TMEM117: variants seen among roughly 807,000 people sequenced by gnomAD.
TMEM117 encodes transmembrane protein 117.
Under a neutral mutation model 52.4 loss-of-function variants are expected in TMEM117, and 27 were observed. The observed-to-expected ratio is 0.51, with a 90% CI of 0.38 to 0.71. The LOEUF is 0.71. Ranked by LOEUF, TMEM117 falls within the 30% of genes least tolerant of loss-of-function variation. The pLI is 0.00. For missense variants in TMEM117, 556 were observed against 630.5 expected (o/e 0.88, Z 1.26); for synonymous variants, 215 against 206.3 (o/e 1.04, Z -0.36).
chr12:44,275,092 C>T (rs1330054960), intron 5 of TMEM117, among the ~76,000 whole-genome samples: 2 of 151,992 alleles, frequency 1.3e-5, no homozygotes, highest in African/African-American at 4.8e-5. Context: ...GTTCAAACCA[C>T]TCTATAGAAA....
At chr12:44,306,019 A>G (rs1950898785) in intron 6 of TMEM117, among the ~76,000 whole-genome samples, 1 of 152,222 alleles carries the variant, frequency 6.6e-6, no homozygotes, top group Admixed American at 6.5e-5. Context: ...GAATTAACAG[A>G]GGGACAGAAA....
intron 5 of TMEM117, among the ~76,000 whole-genome samples, chr12:44,254,727 A>T (rs1950237811): frequency 6.6e-6 from 1 of 152,022 alleles, no homozygotes; most frequent in South Asian, 2.1e-4. Context: ...TTACATATGT[A>T]TACATGTGCC....
At chr12:43,857,894 G>T (rs2137389812) in intron 2 of TMEM117, among the ~76,000 whole-genome samples, 1 of 152,288 alleles carries the variant, frequency 6.6e-6, no homozygotes, top group South Asian at 2.1e-4. Context: ...ATAAATAAGT[G>T]GTGGTAGGTG....
chr12:43,937,966 AG>A (rs1270201519), intron 2 of TMEM117, among the ~76,000 whole-genome samples: 2 of 152,126 alleles, frequency 1.3e-5, no homozygotes, highest in Non-Finnish European at 2.9e-5. Context: ...AAGGCCAAGT[AG>A]ATTAGCCAGA....
At chr12:44,014,809 G>A (rs1219579280) in intron 3 of TMEM117, among the ~76,000 whole-genome samples, 1 of 151,854 alleles carries the variant, frequency 6.6e-6, no homozygotes, top group Non-Finnish European at 1.5e-5. Context: ...TCCTTACTCT[G>A]ATCTTTCCTT....
chr12:44,333,962 T>A (rs1234047742), intron 6 of TMEM117, among the ~76,000 whole-genome samples: 1 of 152,052 alleles, frequency 6.6e-6, no homozygotes, highest in Non-Finnish European at 1.5e-5. Flanking sequence ...TCTGCTGTTA[T>A]CCTGAGGGAC....
At chr12:43,969,875 C>T (rs1440113553) in intron 3 of TMEM117, among the ~76,000 whole-genome samples, 2 of 152,172 alleles carry the variant, frequency 1.3e-5, no homozygotes, top group Admixed American at 6.5e-5. Flanking sequence ...GTTCCTAACA[C>T]CATTCACTCT....
At chr12:43,892,860 G>T (rs1944132702) in intron 2 of TMEM117, among the ~76,000 whole-genome samples, 1 of 152,228 alleles carries the variant, frequency 6.6e-6, no homozygotes, top group Non-Finnish European at 1.5e-5. Context: ...AGTTTAAGGG[G>T]AAAAGAACAA....
chr12:44,397,821 G>A, the TMEM117 span, among the ~76,000 whole-genome samples: 10 of 152,156 alleles, frequency 6.6e-5, no homozygotes, highest in African/African-American at 1.7e-4. Flanking sequence ...AATCAATTGT[G>A]TGAGGTCTAA....
chr12:44,388,083 G>A lies in TMEM117; in HGVS notation c.956G>A (p.Trp319Ter). The change falls in exon 8 of 8, where the codon TGG (tryptophan) becomes TAG (stop). Residue 319 changes from tryptophan (W) to a stop codon, truncating the protein, a stop_gained. Transcript: ENST00000266534. LOFTEE classifies it high-confidence loss of function. ...FLVLILDLNM[W>*]KNQIFYKPHE... Reference sequence around the variant, plus strand: ...GTCTTGATTTTGGATCTTAATATGTGGAAGAACCAAATATTTTATAAACCT... The same window carrying A: ...GTCTTGATTTTGGATCTTAATATGTAGAAGAACCAAATATTTTATAAACCT... The A allele has an allele frequency of 6.2e-7, 1 of 1,612,450 alleles. No homozygotes were observed. The highest frequency in any genetic ancestry group is 8.5e-7 in the Non-Finnish European group (1 of 1,179,244).
At chr12:44,266,329 G>A (rs891670834) in intron 5 of TMEM117, among the ~76,000 whole-genome samples, 7 of 152,078 alleles carry the variant, frequency 4.6e-5, no homozygotes, top group African/African-American at 1.7e-4. Flanking sequence ...CCATCCTAGT[G>A]GATGTGAACT....
intron 3 of TMEM117, among the ~76,000 whole-genome samples, chr12:43,990,587 G>A (rs150970316): frequency 1.3e-5 from 2 of 152,230 alleles, no homozygotes; most frequent in East Asian, 3.9e-4. Context: ...TAGGATTTGT[G>A]TGCCTCTTTA....
At chr12:44,297,657 A>C (rs971827291) in intron 5 of TMEM117, among the ~76,000 whole-genome samples, 1 of 152,208 alleles carries the variant, frequency 6.6e-6, no homozygotes, top group Non-Finnish European at 1.5e-5. Flanking sequence ...CTACCAAAAA[A>C]CTTTGAATAA....
chr12:44,179,517 C>T (rs990155159), intron 4 of TMEM117, among the ~76,000 whole-genome samples: 3 of 152,200 alleles, frequency 2.0e-5, no homozygotes, highest in African/African-American at 4.8e-5. Flanking sequence ...GCCAAGTGTC[C>T]AGCATGGCAA....
intron 5 of TMEM117, among the ~76,000 whole-genome samples, chr12:44,259,114 T>A (rs1643431): frequency 0.29 from 43,652 of 152,032 alleles, 11,841 homozygotes; most frequent in African/African-American, 0.72. Context: ...GCATTTCCCA[T>A]GTCATTGTTT....
chr12:44,283,907 G>C (rs181787289), intron 5 of TMEM117, among the ~76,000 whole-genome samples: 10 of 152,108 alleles, frequency 6.6e-5, no homozygotes, highest in African/African-American at 2.4e-4. Flanking sequence ...ATGGGGGCTG[G>C]TCTTTCCTGT....
At chr12:44,242,342 A>C (rs1950073266) in intron 5 of TMEM117, among the ~76,000 whole-genome samples, 1 of 151,616 alleles carries the variant, frequency 6.6e-6, no homozygotes, top group Non-Finnish European at 1.5e-5. Context: ...CTTTGTGTTC[A>C]TGAGTTCTTA....
At chr12:44,093,800 T>TA (rs1432262943) in intron 3 of TMEM117, among the ~76,000 whole-genome samples, 3 of 152,082 alleles carry the variant, frequency 2.0e-5, no homozygotes, top group African/African-American at 7.2e-5. Flanking sequence ...GGAAGGCAGA[T>TA]AGACTGGATG....
At chr12:44,355,633 T>TG in intron 6 of TMEM117, among the ~76,000 whole-genome samples, 1 of 152,202 alleles carries the variant, frequency 6.6e-6, no homozygotes, top group Admixed American at 6.6e-5. Flanking sequence ...GGAAGTTGCA[T>TG]GGTTCATTCT....
Sources: allele counts gnomAD v4.1 joint callset (sites outside exome capture counted in the v4.1 genomes callset), GRCh38; gene constraint gnomAD v4.1.1; transcripts MANE v1.5; gene names NCBI Gene and HGNC (gene_info 2026-07-23, HGNC 2026-07-21).